Variants in SENP6 observed in about 807,000 individuals in gnomAD.
SENP6 encodes the protein sentrin-specific protease 6.
SENP6 carries 41 observed loss-of-function variants against 134.5 expected under a neutral mutation model. That is an observed-to-expected ratio of 0.30 (90% confidence interval 0.24 to 0.40). SENP6 has a LOEUF of 0.40. Among genes scored for constraint, SENP6 ranks in the 10% least tolerant of loss-of-function variants. The pLI, the probability that SENP6 is intolerant of heterozygous loss-of-function variation, is 1.00. For missense variants in SENP6, 1,248 were observed against 1,312.5 expected (o/e 0.95, Z 0.76); for synonymous variants, 395 against 429.8 (o/e 0.92, Z 1.00).
intron 1 of SENP6, among the ~76,000 whole-genome samples, chr6:75,614,138 G>T (rs1022813841): frequency 6.6e-6 from 1 of 151,748 alleles, no homozygotes; most frequent in African/African-American, 2.4e-5. Flanking sequence ...TGATTTTTTT[G>T]TTCTTTTCAG....
intron 7 of SENP6, among the ~76,000 whole-genome samples, chr6:75,650,151 G>T (rs1770759378): frequency 6.6e-6 from 1 of 152,122 alleles, no homozygotes; most frequent in African/African-American, 2.4e-5. Flanking sequence ...TGATGTCTTA[G>T]GATTAGATTA....
chr6:75,615,573 A>G (rs984766157), intron 1 of SENP6, among the ~76,000 whole-genome samples: 147 of 152,308 alleles, frequency 9.7e-4, no homozygotes, highest in African/African-American at 3.4e-3. Flanking sequence ...AACCCTGCTT[A>G]ATTGTAATGT....
chr6:75,663,623 G>C (rs545054828), intron 9 of SENP6, 105 bp downstream of exon 9: 1 of 866,314 alleles, frequency 1.2e-6, no homozygotes, highest in African/African-American at 1.7e-5. Context: ...TAATATAAAT[G>C]TGAGCTTAAA....
intron 9 of SENP6, among the ~76,000 whole-genome samples, chr6:75,664,740 ATT>A (rs1772063613): frequency 6.6e-6 from 1 of 152,212 alleles, no homozygotes; most frequent in African/African-American, 2.4e-5. Context: ...GGACATGTAC[ATT>A]ACTCAGTAAA....
chr6:75,664,537 C>A (rs968973818), intron 9 of SENP6, among the ~76,000 whole-genome samples: 1 of 152,018 alleles, frequency 6.6e-6, no homozygotes, highest in Non-Finnish European at 1.5e-5. Flanking sequence ...AGCCAAATAA[C>A]CAGTAAGTGG....
In SENP6 at chr6:75,602,457, C is replaced by T. The variant is rs1766696345; in HGVS notation, c.-68C>T. Reference sequence around the variant, plus strand: ...CGTCTACCCTCCTCCGGCGCGGCCCCTCATCCCGGCGAGCACGGCGGCGGT... The same window carrying T: ...CGTCTACCCTCCTCCGGCGCGGCCCTTCATCCCGGCGAGCACGGCGGCGGT... On this transcript the variant is annotated 5_prime_UTR_variant, in exon 1 of 24. Transcript: ENST00000447266. 1.2e-5 allele frequency: 19 copies of T among 1,536,980 alleles called. No homozygotes were observed. Among genetic ancestry groups the T allele is most frequent in the Non-Finnish European group, 1.5e-5 (17 of 1,136,628 alleles).
chr6:75,611,160 C>G (rs1180022700), intron 1 of SENP6: 1 of 152,190 alleles, frequency 6.6e-6, no homozygotes, highest in African/African-American at 2.4e-5. Context: ...ACTACCATGA[C>G]CCCTGCTGAC....
chr6:75,712,943 A>T (rs927028879), intron 21 of SENP6, among the ~76,000 whole-genome samples: 1 of 152,076 alleles, frequency 6.6e-6, no homozygotes, highest in Non-Finnish European at 1.5e-5. Flanking sequence ...ATCTCTACAA[A>T]AAAAAATACA....
rs186542103 is a variant in SENP6 at position 75,693,249 on chromosome 6, A to C, written c.2076-2555A>C. ...ACCTGGCCTCTACTAAAAAAAAAAT[A>C]CAGAAATTAGCTGGGTGTGGTGGAG... On this transcript the variant is annotated intron_variant, in intron 16 of 23. Coordinates refer to ENST00000447266, the MANE Select transcript of SENP6 (RefSeq NM_015571.4). Among the ~76,000 whole-genome samples, 3 of 151,686 alleles carry C rather than the reference A, an allele frequency of 2.0e-5. No individual in the cohort carries two copies. The East Asian group carries it at 5.9e-4, about 30-fold the overall frequency.
At position 75,715,493 on chromosome 6, in the gene SENP6, G is replaced by A. The variant is rs758544748; in HGVS notation, c.3238G>A (p.Glu1080Lys). ...EIRNIILKLQ[E>K]DQSKEKRKHK... ...CCGAAACATAATTCTGAAGCTACAG[G>A]AAGATCAGAGCAAAGAGAAAAGAAA... The change falls in exon 24 of 24, where the codon GAA (glutamate) becomes AAA (lysine). Residue 1080 changes from glutamate to lysine, a missense_variant. Transcript: ENST00000447266. 6.2e-7 allele frequency: 1 copy of A among 1,613,186 alleles called. No individual in the cohort carries two copies.
intron 16 of SENP6, among the ~76,000 whole-genome samples, chr6:75,689,923 G>A (rs773018586): frequency 3.9e-5 from 6 of 152,078 alleles, no homozygotes; most frequent in Admixed American, 1.3e-4. Flanking sequence ...TGAAAGCAGC[G>A]TCTTTTTGTT....
chr6:75,613,683 G>T lies in SENP6; in HGVS notation c.53-7849G>T, dbSNP rs79185228. On this transcript the variant is annotated intron_variant, in intron 1 of 23. Transcript: ENST00000447266. The stretch of plus-strand genomic sequence containing the variant: ...CTTTTTTTTTTTTCTTTAACTCTTT[G>T]AAAGTAAATTTCAGACATGCTGCTC... 2.9e-3 allele frequency among the ~76,000 whole-genome samples: 430 copies of T among 150,342 alleles called. 3 individuals are homozygous for T. The highest frequency in any genetic ancestry group is 0.021 in the East Asian group (110 of 5,124).
chr6:75,704,633 T>C (rs1474466565), intron 19 of SENP6, among the ~76,000 whole-genome samples: 1 of 152,220 alleles, frequency 6.6e-6, no homozygotes, highest in Non-Finnish European at 1.5e-5. Flanking sequence ...CCTCTTTCAC[T>C]AATCCTTCTC....
intron 7 of SENP6, among the ~76,000 whole-genome samples, chr6:75,649,077 C>G (rs1360481337): frequency 6.6e-6 from 1 of 151,904 alleles, no homozygotes; most frequent in Non-Finnish European, 1.5e-5. Context: ...GATGTCGATG[C>G]AGGCAATCAC....
chr6:75,627,313 T>C (rs1451619683), intron 3 of SENP6, among the ~76,000 whole-genome samples: 2 of 152,218 alleles, frequency 1.3e-5, no homozygotes, highest in Admixed American at 6.5e-5. Context: ...TCAGTTTTTC[T>C]TTATAAAGTT....
At chr6:75,710,811 A>G (rs1462522936) in intron 20 of SENP6, among the ~76,000 whole-genome samples, 1 of 152,190 alleles carries the variant, frequency 6.6e-6, no homozygotes, top group Non-Finnish European at 1.5e-5. Context: ...AATCTACAGA[A>G]TAAGGACTCA....
intron 18 of SENP6, among the ~76,000 whole-genome samples, chr6:75,700,448 G>A (rs1774949912): frequency 6.6e-6 from 1 of 152,168 alleles, no homozygotes; most frequent in South Asian, 2.1e-4. Context: ...TATTACAGCT[G>A]TAGGTTGAGA....
chr6:75,672,737 G>A (rs1430991419), intron 11 of SENP6, among the ~76,000 whole-genome samples: 1 of 152,236 alleles, frequency 6.6e-6, no homozygotes. Context: ...TATGTTTAAT[G>A]TTTTATAAAA....
intron 19 of SENP6, among the ~76,000 whole-genome samples, chr6:75,705,545 AAAAT>A (rs375585667): frequency 3.1e-4 from 47 of 151,984 alleles, no homozygotes; most frequent in Middle Eastern, 3.4e-3. Flanking sequence ...CTCCATCTCA[AAAAT>A]AAATAAATAA....
Sources: allele counts gnomAD v4.1 joint callset (sites outside exome capture counted in the v4.1 genomes callset), GRCh38; gene constraint gnomAD v4.1.1; transcripts MANE v1.5; gene names NCBI Gene and HGNC (gene_info 2026-07-23, HGNC 2026-07-21).